Variants in SNX13 observed in about 807,000 individuals in gnomAD.
SNX13 encodes the protein sorting nexin-13.
Under a neutral mutation model 133.6 loss-of-function variants are expected in SNX13, and 45 were observed. The ratio of observed to expected loss-of-function variants is 0.34; its 90% confidence interval spans 0.27 to 0.43. SNX13 has a LOEUF of 0.43. SNX13 is among the 20% of genes least tolerant of loss of function. The pLI is 1.00. For missense variants in SNX13, 1,032 were observed against 1,145.1 expected, an observed-to-expected ratio of 0.90 and a Z score of 1.43; for synonymous variants, 414 against 373.9, an observed-to-expected ratio of 1.11 and a Z score of -1.24.
rs1320878191 is a variant in SNX13 at position 17,810,252 on chromosome 7, A to C, written c.2064+4582T>G. 2.6e-5 allele frequency among the ~76,000 whole-genome samples: 4 copies of C among 152,130 alleles called. No homozygotes were observed. The East Asian group carries it at 7.7e-4, about 29-fold the overall frequency. On this transcript the variant is annotated intron_variant, in intron 20 of 25. Transcript: ENST00000428135. The stretch of plus-strand genomic sequence containing the variant: ...GACTAATAAAGAAGAAAAGAGAAGA[A>C]TCAAATAGACACAATAAAAAATGAT...
chr7:17,878,712 T>C (rs1795008585), intron 5 of SNX13, among the ~76,000 whole-genome samples: 1 of 152,162 alleles, frequency 6.6e-6, no homozygotes, highest in African/African-American at 2.4e-5. Flanking sequence ...ACCCCATTAT[T>C]ATTAGGACTA....
At chr7:17,873,985 G>A (rs1008410030) in intron 7 of SNX13, among the ~76,000 whole-genome samples, 28 of 152,058 alleles carry the variant, frequency 1.8e-4, no homozygotes, top group African/African-American at 6.5e-4. Flanking sequence ...AAACATAGCT[G>A]TAATTCTTCT....
intron 16 of SNX13, among the ~76,000 whole-genome samples, chr7:17,828,833 A>G (rs1664933127): frequency 6.6e-6 from 1 of 151,566 alleles, no homozygotes; most frequent in Non-Finnish European, 1.5e-5. Flanking sequence ...GTGTTTAAAC[A>G]TTTACACAAG....
intron 14 of SNX13, among the ~76,000 whole-genome samples, chr7:17,834,391 A>C (rs181648818): frequency 6.6e-6 from 1 of 151,864 alleles, no homozygotes; most frequent in African/African-American, 2.4e-5. Flanking sequence ...ACTGCAACAC[A>C]AGTCACAGAC....
In SNX13 at chr7:17,791,798, T is replaced by C. The variant is rs1264503278; in HGVS notation, c.*2247A>G. 1 of 152,082 alleles carries C rather than the reference T, an allele frequency of 6.6e-6. No homozygotes were observed. Among genetic ancestry groups the C allele is most frequent in the East Asian group, 1.9e-4 (1 of 5,190 alleles). The allele number at this position is 152,082 out of a possible 1,614,324, so 9.4% of individuals were successfully genotyped here. On this transcript the variant is annotated 3_prime_UTR_variant, in exon 26 of 26. Coordinates refer to ENST00000428135, the MANE Select transcript of SNX13 (RefSeq NM_015132.5). ...AGCTTGACCAAGTCATTCAAAAAGT[T>C]ATCTCTAATTTTAGCATGACCACAG...
intron 12 of SNX13, among the ~76,000 whole-genome samples, chr7:17,844,842 C>T (rs952746792): frequency 2.0e-5 from 3 of 151,572 alleles, no homozygotes; most frequent in African/African-American, 7.3e-5. Flanking sequence ...AAATTCAACA[C>T]ATTTTCATGA....
chr7:17,876,059 T>C (rs928171101), intron 5 of SNX13, among the ~76,000 whole-genome samples: 2 of 152,224 alleles, frequency 1.3e-5, no homozygotes, highest in Admixed American at 1.3e-4. Flanking sequence ...GAAAAAGAAA[T>C]TAATTTTTTC....
chr7:17,872,129 G>A (rs1917368), intron 8 of SNX13, among the ~76,000 whole-genome samples: 1 of 152,056 alleles, frequency 6.6e-6, no homozygotes, highest in East Asian at 1.9e-4. Flanking sequence ...AATTTCAAAC[G>A]CATTAGCATT....
intron 1 of SNX13, among the ~76,000 whole-genome samples, chr7:17,911,500 G>A (rs150835363): frequency 0.012 from 1,772 of 152,178 alleles, 16 homozygotes; most frequent in Non-Finnish European, 0.017. Context: ...TTAGCCAGGC[G>A]TAGTGGTGTA....
intron 1 of SNX13, among the ~76,000 whole-genome samples, chr7:17,903,372 A>C (rs1456728084): frequency 6.6e-6 from 1 of 152,180 alleles, no homozygotes; most frequent in African/African-American, 2.4e-5. Flanking sequence ...TCTTAATCAC[A>C]ATTTTAAAAT....
chr7:17,797,479 T>G (rs1784175112), intron 24 of SNX13, among the ~76,000 whole-genome samples: 3 of 151,888 alleles, frequency 2.0e-5, no homozygotes, highest in African/African-American at 7.2e-5. Flanking sequence ...GCTTTACTCC[T>G]GTTCCCTAAT....
intron 3 of SNX13, among the ~76,000 whole-genome samples, chr7:17,891,969 C>G (rs1275864909): frequency 6.6e-6 from 1 of 152,070 alleles, no homozygotes; most frequent in Non-Finnish European, 1.5e-5. Flanking sequence ...CTTTACTGGA[C>G]ACTCTCCCTC....
chr7:17,858,787 GA>G (rs1792254211), intron 9 of SNX13, among the ~76,000 whole-genome samples: 1 of 152,048 alleles, frequency 6.6e-6, no homozygotes, highest in Non-Finnish European at 1.5e-5. Context: ...CAACAGAAAA[GA>G]AGAGGCCAGA....
Position 17,793,035 on chromosome 7 carries a change from G to C in SNX13, c.*1010C>G, listed in dbSNP as rs1023667048. On this transcript the variant is annotated 3_prime_UTR_variant, in exon 26 of 26. Coordinates refer to ENST00000428135, the MANE Select transcript of SNX13 (RefSeq NM_015132.5). ...TATATGTACACTGTCATAGAATTAGGAATCTGTATGTTTACTATGACTAAT... is the reference window on the plus strand; with the variant it reads ...TATATGTACACTGTCATAGAATTAGCAATCTGTATGTTTACTATGACTAAT... 6.6e-6 allele frequency: 1 copy of C among 151,444 alleles called. No homozygotes were observed. Among genetic ancestry groups the C allele is most frequent in the East Asian group, 1.9e-4 (1 of 5,164 alleles). The allele number at this position is 151,444 out of a possible 1,614,324, so 9.4% of individuals were successfully genotyped here.
intron 20 of SNX13, 137 bp downstream of exon 20, chr7:17,814,697 G>C (rs1720050358): frequency 3.1e-6 from 2 of 646,794 alleles, no homozygotes; most frequent in African/African-American, 4.0e-5. Context: ...TACCAATAGT[G>C]ATAAACATGC....
intron 1 of SNX13, among the ~76,000 whole-genome samples, chr7:17,901,145 ACT>A (rs1170862258): frequency 6.6e-6 from 1 of 151,902 alleles, no homozygotes; most frequent in Non-Finnish European, 1.5e-5. Flanking sequence ...GGGCCTCAGG[ACT>A]CTGCCTGGTG....
At chr7:17,795,170 TA>T (rs1783912692) in intron 25 of SNX13, 1 of 151,726 alleles carries the variant, frequency 6.6e-6, no homozygotes, top group Admixed American at 6.6e-5. Flanking sequence ...GTGCTGTGAC[TA>T]AGAGTGAGCA....
intron 15 of SNX13, chr7:17,830,988 G>C: frequency 2.0e-6 from 2 of 984,174 alleles, no homozygotes; most frequent in South Asian, 9.4e-5. Context: ...AAAAAAATGG[G>C]AATTTCACCT....
At chr7:17,872,466 A>T (rs1794226323) in intron 8 of SNX13, among the ~76,000 whole-genome samples, 1 of 152,214 alleles carries the variant, frequency 6.6e-6, no homozygotes. Flanking sequence ...ATCTTCCTTA[A>T]GTGGCAGATA....
Sources: gnomAD v4.1 joint callset for allele counts (sites outside exome capture counted in the v4.1 genomes callset) on GRCh38, gnomAD v4.1.1 for gene constraint, MANE v1.5 for transcripts, NCBI Gene and HGNC (gene_info 2026-07-23, HGNC 2026-07-21) for gene names.